Variants in CHCHD6 observed in about 807,000 individuals in gnomAD.
CHCHD6 encodes coiled-coil-helix-coiled-coil-helix domain containing 6.
CHCHD6 carries 28 observed loss-of-function variants against 32.3 expected under a neutral mutation model. The observed-to-expected ratio is 0.87, with a 90% CI of 0.64 to 1.19. The LOEUF (loss-of-function observed/expected upper bound fraction) is 1.19, where lower values mean the gene tolerates loss of function less well. CHCHD6 is among the 50% of genes most tolerant of loss of function. The pLI is 0.00. For synonymous variants in CHCHD6, 122 were observed against 117.5 expected, an observed-to-expected ratio of 1.04 and a Z score of -0.25; for missense variants, 333 against 307.0, an observed-to-expected ratio of 1.08 and a Z score of -0.63.
chr3:126,833,872 G>A (rs1237943440), intron 4 of CHCHD6, among the ~76,000 whole-genome samples: 3 of 151,388 alleles, frequency 2.0e-5, no homozygotes, highest in African/African-American at 4.9e-5. Flanking sequence ...CGGCTAAAAC[G>A]GTGAAACCCC....
chr3:126,905,487 G>A (rs1047374506), intron 5 of CHCHD6, among the ~76,000 whole-genome samples: 1 of 152,122 alleles, frequency 6.6e-6, no homozygotes, highest in Admixed American at 6.5e-5. Context: ...GCGCCTACAG[G>A]GACAGTGCCA....
chr3:126,863,948 C>A (rs1316026069), intron 5 of CHCHD6, among the ~76,000 whole-genome samples: 4 of 145,766 alleles, frequency 2.7e-5, no homozygotes, highest in African/African-American at 5.4e-5. Context: ...TCCACCATCA[C>A]CACCTCCTCC....
chr3:126,749,292 G>A (rs1056344732), intron 4 of CHCHD6, among the ~76,000 whole-genome samples: 1 of 152,136 alleles, frequency 6.6e-6, no homozygotes, highest in African/African-American at 2.4e-5. Flanking sequence ...GACTCCCAAG[G>A]GCCCTTCAGA....
At chr3:126,785,622 T>C (rs139549692) in intron 4 of CHCHD6, among the ~76,000 whole-genome samples, 6 of 152,208 alleles carry the variant, frequency 3.9e-5, no homozygotes, top group African/African-American at 1.4e-4. Context: ...AAATTAACCA[T>C]CTTAAACATT....
intron 4 of CHCHD6, among the ~76,000 whole-genome samples, chr3:126,807,443 A>G (rs902166650): frequency 5.3e-5 from 8 of 152,220 alleles, no homozygotes; most frequent in African/African-American, 1.9e-4. Flanking sequence ...GGATAATTCA[A>G]TAGAAGGGCT....
intron 4 of CHCHD6, among the ~76,000 whole-genome samples, chr3:126,793,261 G>A (rs1356797395): frequency 6.6e-6 from 1 of 151,874 alleles, no homozygotes; most frequent in Non-Finnish European, 1.5e-5. Flanking sequence ...TTTACTTTTT[G>A]TTTTCTGTAT....
chr3:126,711,257 G>A (rs1934734635), intron 1 of CHCHD6, among the ~76,000 whole-genome samples: 1 of 152,196 alleles, frequency 6.6e-6, no homozygotes, highest in Admixed American at 6.5e-5. Flanking sequence ...CTCTAGCCAA[G>A]CTGGCGATCT....
At chr3:126,793,475 A>T (rs759815066) in intron 4 of CHCHD6, among the ~76,000 whole-genome samples, 4 of 152,162 alleles carry the variant, frequency 2.6e-5, no homozygotes, top group Non-Finnish European at 5.9e-5. Context: ...CAAGTGGAAT[A>T]TAGAAACCTT....
intron 4 of CHCHD6, among the ~76,000 whole-genome samples, chr3:126,756,188 C>T (rs374871975): frequency 1.2e-4 from 19 of 152,092 alleles, no homozygotes; most frequent in Admixed American, 8.5e-4. Flanking sequence ...ACCCCTACCT[C>T]GGACCCATAG....
chr3:126,758,187 A>C (rs1454410556), intron 4 of CHCHD6, among the ~76,000 whole-genome samples: 1 of 152,218 alleles, frequency 6.6e-6, no homozygotes, highest in Non-Finnish European at 1.5e-5. Context: ...AATAGAGAAG[A>C]TGCTTCTGGT....
intron 4 of CHCHD6, among the ~76,000 whole-genome samples, chr3:126,834,877 G>A (rs1043177860): frequency 6.6e-6 from 1 of 152,108 alleles, no homozygotes; most frequent in African/African-American, 2.4e-5. Context: ...TGGGCAGGCA[G>A]GGTATAGAAA....
At chr3:126,776,909 C>A (rs554296926) in intron 4 of CHCHD6, among the ~76,000 whole-genome samples, 1 of 151,396 alleles carries the variant, frequency 6.6e-6, no homozygotes, top group Non-Finnish European at 1.5e-5. Context: ...AAGTGACTTG[C>A]CCCAGGCCAC....
At chr3:126,877,380 C>T (rs1030891483) in intron 5 of CHCHD6, among the ~76,000 whole-genome samples, 1 of 151,982 alleles carries the variant, frequency 6.6e-6, no homozygotes. Flanking sequence ...ACGGTGAAAC[C>T]CCATCTCTAC....
chr3:126,925,759 C>T (rs1007566561), intron 6 of CHCHD6, among the ~76,000 whole-genome samples: 1 of 152,226 alleles, frequency 6.6e-6, no homozygotes, highest in East Asian at 1.9e-4. Flanking sequence ...ATAACCCCTG[C>T]TCCAGCACCG....
intron 4 of CHCHD6, among the ~76,000 whole-genome samples, chr3:126,845,269 G>C (rs527708647): frequency 1.3e-5 from 2 of 152,110 alleles, no homozygotes; most frequent in Admixed American, 1.3e-4. Flanking sequence ...TGTTTTTGGT[G>C]GGGGAGAGTG....
At chr3:126,899,172 G>A (rs183146821) in intron 5 of CHCHD6, among the ~76,000 whole-genome samples, 15 of 152,334 alleles carry the variant, frequency 9.8e-5, no homozygotes, top group African/African-American at 3.6e-4. Context: ...TTCTGGGTCA[G>A]GTGGCTAAAT....
rs2107587242 is a variant in CHCHD6, at chr3:126,909,318, A to G, written c.496-5362A>G. Among the ~76,000 whole-genome samples the G allele has an allele frequency of 1.3e-5, 2 of 152,210 alleles. 1 individual carries two copies. The highest frequency in any genetic ancestry group is 4.1e-4 in the South Asian group (2 of 4,820). ...GGTTCCCCTCAGACCTCTGGGCCCCATGTCCTCCTCCCACCCCGCACCTGT... is the reference window on the plus strand; with the variant it reads ...GGTTCCCCTCAGACCTCTGGGCCCCGTGTCCTCCTCCCACCCCGCACCTGT... On this transcript the variant is annotated intron_variant, in intron 5 of 7. Coordinates refer to ENST00000290913, the MANE Select transcript of CHCHD6 (RefSeq NM_032343.3).
chr3:126,913,063 A>C (rs1369281068), intron 5 of CHCHD6, among the ~76,000 whole-genome samples: 1 of 152,192 alleles, frequency 6.6e-6, no homozygotes, highest in Non-Finnish European at 1.5e-5. Context: ...CAAATGTGCA[A>C]GGCAACGCAG....
chr3:126,860,497 A>T (rs112076921), intron 5 of CHCHD6, among the ~76,000 whole-genome samples: 4,670 of 152,244 alleles, frequency 0.031, 161 homozygotes, highest in East Asian at 0.16. Flanking sequence ...CCTAACGTAA[A>T]TGATGAGTTA....
Sources: allele counts gnomAD v4.1 joint callset (sites outside exome capture counted in the v4.1 genomes callset), GRCh38; gene constraint gnomAD v4.1.1; transcripts MANE v1.5; gene names NCBI Gene and HGNC (gene_info 2026-07-23, HGNC 2026-07-21).